The following MIB2 variants were observed in gnomAD, a reference collection of about 807,000 sequenced individuals.
The protein encoded by MIB2 is E3 ubiquitin-protein ligase MIB2.
A neutral mutation model predicts 96.6 loss-of-function variants in MIB2; 78 were observed. The ratio of observed to expected loss-of-function variants is 0.81; its 90% confidence interval spans 0.67 to 0.97. The LOEUF (loss-of-function observed/expected upper bound fraction) is 0.97, where lower values mean the gene tolerates loss of function less well. MIB2 is among the 50% of genes least tolerant of loss of function. The probability of loss-of-function intolerance (pLI) is 0.00; values close to 1 mark genes in which losing one functional copy is unlikely to be tolerated. For synonymous variants in MIB2, 820 were observed against 629.5 expected (o/e 1.30, Z -4.53); for missense variants, 1,543 against 1,424.0 (o/e 1.08, Z -1.35).
chr1:1,621,031 C>T (rs547771797), intron 2 of MIB2, among the ~76,000 whole-genome samples: 2 of 152,372 alleles, frequency 1.3e-5, no homozygotes, highest in South Asian at 4.1e-4. Context: ...GGCGGGTCCT[C>T]GGGACACAGG....
chr1:1,628,794 G>A, intron 16 of MIB2, 72 bp downstream of exon 16: 3 of 1,283,536 alleles, frequency 2.3e-6, no homozygotes, highest in East Asian at 5.1e-5. Context: ...CAGGGCCTGT[G>A]CCACTGTCCA....
At chr1:1,615,192 C>A, upstream of MIB2, 1 of 568,732 alleles carries the variant, frequency 1.8e-6, no homozygotes, top group South Asian at 2.5e-5. Flanking sequence ...CTGCGTGACT[C>A]AAAACCCCGG....
intron 1 of MIB2, chr1:1,616,190 C>A: frequency 1.2e-6 from 1 of 828,580 alleles, no homozygotes; most frequent in Non-Finnish European, 1.5e-6. Flanking sequence ...GCGGGGCGCG[C>A]TCCGGGTGGG....
At chr1:1,627,647 C>T (rs894612045) in intron 12 of MIB2, 26 bp from the exon 13 acceptor site, 1 of 1,582,804 alleles carries the variant, frequency 6.3e-7, no homozygotes, top group Non-Finnish European at 8.5e-7. Context: ...CCGGCGCCCT[C>T]CCTCTCCCAC....
rs770628423 is a variant in MIB2 at position 1,628,614 on chromosome 1, C to G, written c.2094C>G (p.Asp698Glu). Residue 698 changes from aspartate (D) to glutamate (E), a missense_variant, in exon 16 of 20, where the codon GAC becomes GAG. Coordinates refer to ENST00000355826, the MANE Select transcript of MIB2 (RefSeq NM_001170687.4). Reference sequence around the variant, plus strand: ...CTGGGTGCAGTGTCAACGCCGAGGACGAGGAGGGGGACACAGCCCTGCACG... The same window carrying G: ...CTGGGTGCAGTGTCAACGCCGAGGAGGAGGAGGGGGACACAGCCCTGCACG... ...VDAGCSVNAEDEEGDTALHVA... is the reference protein window; with the variant it reads ...VDAGCSVNAEEEEGDTALHVA... 8.8e-6 allele frequency: 14 copies of G among 1,598,832 alleles called. No individual in the cohort carries two copies. Among genetic ancestry groups the G allele is most frequent in the Non-Finnish European group, 1.2e-5 (14 of 1,176,754 alleles).
At chr1:1,620,779 G>A (rs1340758451) in intron 2 of MIB2, among the ~76,000 whole-genome samples, 1 of 152,260 alleles carries the variant, frequency 6.6e-6, no homozygotes, top group Non-Finnish European at 1.5e-5. Flanking sequence ...CAGGAACCCT[G>A]CAGAGCCTGC....
At position 1,625,316 on chromosome 1, in the gene MIB2, G is replaced by C. The variant is rs762587257; in HGVS notation, c.752G>C (p.Ser251Thr). The C allele has an allele frequency of 5.7e-6, 9 of 1,581,830 alleles. No individual in the cohort carries two copies. Among genetic ancestry groups the C allele is most frequent in the Admixed American group, 1.8e-5 (1 of 54,890 alleles). The change falls in exon 7 of 20, where the codon AGT becomes ACT. Residue 251 changes from serine (S) to threonine (T), a missense_variant. By Grantham distance (58) the Ser-to-Thr change is moderately conservative. Coordinates refer to ENST00000355826, the MANE Select transcript of MIB2 (RefSeq NM_001170687.4). This position sits in a 1 kb window ranked among gnomAD's most constrained non-coding sequence, Gnocchi z 5.0. The part of the protein sequence containing the change: ...GKPAELQRRV[S>T]ADSQPFQHGD... The stretch of plus-strand genomic sequence containing the variant: ...CCGGCGGAGCTGCAGCGCAGGGTGA[G>C]TGCTGACAGCCAGCCCTTCCAGCAC...
At chr1:1,627,585 C>T (rs942766677) in intron 12 of MIB2, 88 bp from the exon 13 acceptor site, 17 of 1,499,842 alleles carry the variant, frequency 1.1e-5, no homozygotes, top group East Asian at 2.4e-5. Flanking sequence ...TGAGCCTGTG[C>T]GTCCTGGGGT....
chr1:1,627,135 A>G lies in MIB2; in HGVS notation c.1302A>G (p.Gly434=), dbSNP rs1000715897. The G allele has an allele frequency of 1.9e-6, 3 of 1,596,980 alleles. No homozygotes were observed. In the Admixed American group the frequency reaches 5.3e-5, roughly 28 times the overall value. Residue 434 remains glycine (G), a synonymous_variant, in exon 11 of 20, where the codon GGA becomes GGG. Coordinates refer to ENST00000355826, the MANE Select transcript of MIB2 (RefSeq NM_001170687.4). ...AGAAGAGTGACCCAGAGCACCCGGGAAGGCTGGTGGTGGAGGTGGCGCTGG... is the reference window on the plus strand; with the variant it reads ...AGAAGAGTGACCCAGAGCACCCGGGGAGGCTGGTGGTGGAGGTGGCGCTGG... ...RAQKSDPEHP[G]RLVVEVALGN...
At position 1,629,693 on chromosome 1, in the gene MIB2, A is replaced by C; in HGVS notation, c.2618A>C (p.Lys873Thr). 6.3e-7 allele frequency: 1 copy of C among 1,596,728 alleles called. No homozygotes were observed. Among genetic ancestry groups the C allele is most frequent in the Non-Finnish European group, 8.5e-7 (1 of 1,171,882 alleles). Reference sequence around the variant, plus strand: ...AGGTGCCAGGTGGTCGTCAGCAAGAAACTGCGCCCAGGTGGGTGAGGCTCT... The same window carrying C: ...AGGTGCCAGGTGGTCGTCAGCAAGACACTGCGCCCAGGTGGGTGAGGCTCT... ...CIRCQVVVSK[K>T]LRPDGSEVAS... The change falls in exon 19 of 20, where the codon AAA becomes ACA. Residue 873 changes from lysine to threonine, a missense_variant. Physicochemically the swap from Lys to Thr is moderately conservative, Grantham distance 78 (BLOSUM62 -1). Coordinates refer to ENST00000355826, the MANE Select transcript of MIB2 (RefSeq NM_001170687.4).
At chr1:1,629,846 C>CCCACCAG (rs1638423289) in intron 19 of MIB2, 142 bp downstream of exon 19, 5 of 880,436 alleles carry the variant, frequency 5.7e-6, no homozygotes, top group Non-Finnish European at 8.0e-6. Context: ...TCACACCCGG[C>CCCACCAG]CCCCCAGCCC....
Position 1,625,200 on chromosome 1 carries a change from C to A in MIB2, c.721+15C>A. On this transcript the variant is annotated intron_variant, in intron 6 of 19. Transcript: ENST00000355826. This position sits in a 1 kb window ranked among gnomAD's most constrained non-coding sequence, Gnocchi z 5.0. The stretch of plus-strand genomic sequence containing the variant: ...CCCAAGGCTCGGTATGAGGCTGTCA[C>A]ACTGACTCCATCAGCCCTCCTGCCT... 2 of 1,604,788 alleles carry A rather than the reference C, an allele frequency of 1.2e-6. No individual in the cohort carries two copies. The highest frequency in any genetic ancestry group is 8.5e-7 in the Non-Finnish European group (1 of 1,174,890).
At chr1:1,618,733 C>T (rs1643972952) in intron 2 of MIB2, 1 of 152,364 alleles carries the variant, frequency 6.6e-6, no homozygotes, top group Admixed American at 6.5e-5. Context: ...CCCACAGCCC[C>T]CACCTCTCAT....
chr1:1,618,118 G>A (rs28546565), intron 2 of MIB2: 39,894 of 152,640 alleles, frequency 0.26, 6,560 homozygotes, highest in Non-Finnish European at 0.37. Context: ...TGTGGCTGTG[G>A]CTGTCTCTGG....
Position 1,626,211 on chromosome 1 carries a change from A to G in MIB2, c.973-439A>G, listed in dbSNP as rs1303373227. 2 of 203,798 alleles carry G rather than the reference A, an allele frequency of 9.8e-6. No homozygotes were observed. The highest frequency in any genetic ancestry group is 2.3e-5 in the African/African-American group (1 of 42,934). 12.6% of individuals were successfully genotyped at this position (203,798 alleles called of 1,614,324 possible). A position where few individuals can be genotyped will look rare whatever the true frequency, so the allele number is the denominator to read the frequency against. On this transcript the variant is annotated intron_variant, in intron 8 of 19. Coordinates refer to ENST00000355826, the MANE Select transcript of MIB2 (RefSeq NM_001170687.4). The surrounding 1 kb of genome is among the most constrained non-coding windows in gnomAD (Gnocchi z 5.3). Reference sequence around the variant, plus strand: ...CCAGGCACCTTTGAGGAGGCGCCGAAGGGAGTCATGAGACGGGCTTGTAGA... The same window carrying G: ...CCAGGCACCTTTGAGGAGGCGCCGAGGGGAGTCATGAGACGGGCTTGTAGA...
At chr1:1,620,549 G>A (rs1025783199) in intron 2 of MIB2, among the ~76,000 whole-genome samples, 1 of 149,194 alleles carries the variant, frequency 6.7e-6, no homozygotes, top group Non-Finnish European at 1.5e-5. Flanking sequence ...GAGGTGGACG[G>A]CCTGGCAGGG....
Position 1,629,411 on chromosome 1 carries a change from C to A in MIB2, c.2408C>A (p.Ala803Asp). 1 of 1,444,650 alleles carries A rather than the reference C, an allele frequency of 6.9e-7. No individual in the cohort carries two copies. The highest frequency in any genetic ancestry group is 9.0e-7 in the Non-Finnish European group (1 of 1,107,404). The allele number at this position is 1,444,650 out of a possible 1,614,324, so 89.5% of individuals were successfully genotyped here. A position where few individuals can be genotyped will look rare whatever the true frequency, so the allele number is the denominator to read the frequency against. The change falls in exon 18 of 20, where the codon GCC becomes GAC. Residue 803 changes from alanine to aspartate, a missense_variant. Ala to Asp is a moderately radical substitution (Grantham distance 126). Transcript: ENST00000355826. The part of the protein sequence containing the change: ...FRERQAGGGA[A>D]PGPRQTLGTP... The stretch of plus-strand genomic sequence containing the variant: ...GAGCGGCAGGCGGGCGGGGGCGCGG[C>A]CCCGGGCCCCAGGCAAACGCTCGGG...
chr1:1,625,406 G>A lies in MIB2; in HGVS notation c.842G>A (p.Gly281Asp). ...VLREMQEGHG[G>D]WNPRMAEFIG... is the part of the protein sequence containing the mutation. ...CGGGAGATGCAGGAAGGCCACGGCGGCTGGAACCCCAGGATGGCGGAGGTG... is the reference window on the plus strand; with the variant it reads ...CGGGAGATGCAGGAAGGCCACGGCGACTGGAACCCCAGGATGGCGGAGGTG... The change falls in exon 7 of 20, where the codon GGC becomes GAC. Residue 281 changes from glycine to aspartate, a missense_variant. By Grantham distance (94) the Gly-to-Asp change is moderately conservative (BLOSUM62 -1). Coordinates refer to ENST00000355826, the MANE Select transcript of MIB2 (RefSeq NM_001170687.4). The surrounding 1 kb of genome is among the most constrained non-coding windows in gnomAD (Gnocchi z 5.0). 1 of 1,577,916 alleles carries A rather than the reference G, an allele frequency of 6.3e-7. No homozygotes were observed. Among genetic ancestry groups the A allele is most frequent in the Non-Finnish European group, 8.6e-7 (1 of 1,163,884 alleles).
Position 1,628,407 on chromosome 1 carries a change from C to T in MIB2, c.1968+8C>T, listed in dbSNP as rs773348606. On this transcript the variant is annotated splice_region_variant and intron_variant, in intron 15 of 19. Transcript: ENST00000355826. ...CAGATCCTCATCCGGGAGGTGCGGACGCGGCCCAGTCCTGCCCAAGGACCG... is the reference window on the plus strand; with the variant it reads ...CAGATCCTCATCCGGGAGGTGCGGATGCGGCCCAGTCCTGCCCAAGGACCG... The T allele has an allele frequency of 1.2e-4, 201 of 1,610,760 alleles. No homozygotes were observed. In the East Asian group the frequency reaches 3.6e-3, roughly 29 times the overall value.
Sources: gnomAD v4.1 joint callset for allele counts (sites outside exome capture counted in the v4.1 genomes callset) on GRCh38, gnomAD v4.1.1 for gene constraint, Gnocchi (gnomAD v3.1) non-coding constraint, MANE v1.5 for transcripts, NCBI Gene and HGNC (gene_info 2026-07-23, HGNC 2026-07-21) for gene names.